Variants in ZBTB44 observed in about 807,000 individuals in gnomAD.
The protein encoded by ZBTB44 is zinc finger and BTB domain-containing protein 44.
In ZBTB44, 15 loss-of-function variants were observed where a neutral mutation model predicts 54.0. The ratio of observed to expected loss-of-function variants is 0.28; its 90% CI spans 0.19 to 0.43. ZBTB44 has a LOEUF of 0.43. Ranked by LOEUF, ZBTB44 falls within the 20% of genes least tolerant of loss-of-function variation. ZBTB44 has a pLI of 1.00. For missense variants in ZBTB44, 487 were observed against 707.1 expected (o/e 0.69, Z 3.53); for synonymous variants, 230 against 250.1 (o/e 0.92, Z 0.76).
At chr11:130,275,193 G>A (rs1302306802) in intron 1 of ZBTB44, among the ~76,000 whole-genome samples, 2 of 151,974 alleles carry the variant, frequency 1.3e-5, no homozygotes, top group East Asian at 3.8e-4. Flanking sequence ...AAGGTGGAGG[G>A]GCGAGGTCAT....
intron 1 of ZBTB44, among the ~76,000 whole-genome samples, chr11:130,297,801 T>A (rs1045236127): frequency 6.6e-6 from 1 of 152,228 alleles, no homozygotes; most frequent in Admixed American, 6.5e-5. Context: ...AGCCACCTAC[T>A]TCGTCATAGT....
intron 1 of ZBTB44, among the ~76,000 whole-genome samples, chr11:130,308,585 T>C (rs1357939502): frequency 6.6e-6 from 1 of 152,236 alleles, no homozygotes; most frequent in Admixed American, 6.5e-5. Context: ...TTAGCACAGC[T>C]GGCATACAGA....
Position 130,238,435 on chromosome 11 carries a change from T to C in ZBTB44, c.1267+9A>G, listed in dbSNP as rs757856915. The C allele has an allele frequency of 6.2e-6, 10 of 1,600,980 alleles. No homozygotes were observed. In the South Asian group the frequency reaches 1.0e-4, roughly 16 times the overall value. Reference sequence around the variant, plus strand: ...TTCACTTACGCACCAACAGGGAAGGTGACATTACCTGAGTGGATGAGCATG... The same window carrying C: ...TTCACTTACGCACCAACAGGGAAGGCGACATTACCTGAGTGGATGAGCATG... On this transcript the variant is annotated intron_variant, in intron 4 of 7. Coordinates refer to ENST00000357899, the MANE Select transcript of ZBTB44 (RefSeq NM_001301098.2).
At chr11:130,293,032 G>A (rs1204525308) in intron 1 of ZBTB44, among the ~76,000 whole-genome samples, 1 of 152,062 alleles carries the variant, frequency 6.6e-6, no homozygotes, top group African/African-American at 2.4e-5. Context: ...ACTCATATTT[G>A]GGAACATGCT....
chr11:130,270,760 T>C (rs145766383), intron 1 of ZBTB44, among the ~76,000 whole-genome samples: 66 of 152,334 alleles, frequency 4.3e-4, no homozygotes, highest in Non-Finnish European at 8.5e-4. Flanking sequence ...AACTTTGTTT[T>C]CACCAAACAA....
Position 130,295,428 on chromosome 11 carries a change from AC to A in ZBTB44, c.-57+18946del, listed in dbSNP as rs573742544. Among the ~76,000 whole-genome samples, 33 of 152,304 alleles carry A rather than the reference AC, an allele frequency of 2.2e-4. No individual in the cohort carries two copies. The East Asian group carries it at 6.2e-3, about 29-fold the overall frequency. On this transcript the variant is annotated intron_variant, in intron 1 of 7. Transcript: ENST00000357899. ...AATGGTGAATGATGCTGGGACTGAT[AC>A]AAAAAAAGCAAAAACTGAAAACAAA...
chr11:130,293,335 G>A (rs1386867424), intron 1 of ZBTB44, among the ~76,000 whole-genome samples: 1 of 148,966 alleles, frequency 6.7e-6, no homozygotes, highest in East Asian at 2.0e-4. Context: ...TTAGCTAAGT[G>A]TGGTGCTGTG....
At chr11:130,236,756 G>A (rs752061429) in intron 5 of ZBTB44, 37 bp downstream of exon 5, 3 of 1,325,896 alleles carry the variant, frequency 2.3e-6, no homozygotes, top group Non-Finnish European at 2.9e-6. Flanking sequence ...AGTTTAGAAA[G>A]CAGTTTTCCT....
At chr11:130,292,102 G>T (rs1941333425) in intron 1 of ZBTB44, among the ~76,000 whole-genome samples, 3 of 152,058 alleles carry the variant, frequency 2.0e-5, no homozygotes, top group Admixed American at 2.0e-4. Flanking sequence ...AAGGATTTTT[G>T]TTCTTTTTAT....
rs1953842621 is a variant in ZBTB44 at position 130,230,570 on chromosome 11, A to G, written c.*1194T>C. ...TTTTAGTATATTTTGTCTTACTGAA[A>G]TTGATAAAAAAAAAAAACTGGCAAT... is the stretch of plus-strand genomic sequence containing the variant. On this transcript the variant is annotated 3_prime_UTR_variant, in exon 8 of 8. Transcript: ENST00000357899. 6.7e-6 allele frequency: 1 copy of G among 150,030 alleles called. No individual in the cohort carries two copies. Among genetic ancestry groups the G allele is most frequent in the Admixed American group, 6.6e-5 (1 of 15,192 alleles). The allele number at this position is 150,030 out of a possible 1,614,324, so 9.3% of individuals were successfully genotyped here.
rs760080265 is a variant in ZBTB44, at chr11:130,261,631, G to A, written c.243C>T (p.Gly81=). 3.1e-6 allele frequency: 5 copies of A among 1,613,898 alleles called. No individual in the cohort carries two copies. Among genetic ancestry groups the A allele is most frequent in the Non-Finnish European group, 4.2e-6 (5 of 1,179,890 alleles). Residue 81 remains glycine, a synonymous_variant, in exon 2 of 8, where the codon GGC becomes GGT. Coordinates refer to ENST00000357899, the MANE Select transcript of ZBTB44 (RefSeq NM_001301098.2). The surrounding 1 kb of genome is among the most constrained non-coding windows in gnomAD (Gnocchi z 4.8). The part of the protein sequence containing the change: ...VLDLHHVTVT[G]FIPLLEYAYT... ...AAGCATATTCTAAAAGAGGTATAAA[G>A]CCAGTCACTGTAACATGATGCAGAT...
At position 130,236,841 on chromosome 11, in the gene ZBTB44, C is replaced by T; in HGVS notation, c.1520G>A (p.Arg507Lys). The T allele has an allele frequency of 6.8e-7, 1 of 1,466,282 alleles. No individual in the cohort carries two copies. The highest frequency in any genetic ancestry group is 9.0e-7 in the Non-Finnish European group (1 of 1,110,518). The allele number at this position is 1,466,282 out of a possible 1,614,324, so 90.8% of individuals were successfully genotyped here. Residue 507 changes from arginine to lysine, a missense_variant, in exon 5 of 8, where the codon AGG becomes AAG. By Grantham distance (26) the Arg-to-Lys change is conservative. Transcript: ENST00000357899. ...CTCTGATGCTTCATGGTTCAGACTCCTCAGGTGCACGATTAAATTTCCAGA... is the reference window on the plus strand; with the variant it reads ...CTCTGATGCTTCATGGTTCAGACTCTTCAGGTGCACGATTAAATTTCCAGA... ...TNSGNLIVHL[R>K]SLNHEASELA...
At chr11:130,268,228 A>AAAAAAAAG (rs1211897601) in intron 1 of ZBTB44, among the ~76,000 whole-genome samples, 2 of 151,820 alleles carry the variant, frequency 1.3e-5, no homozygotes, top group African/African-American at 4.8e-5. Flanking sequence ...AATTTAAAAA[A>AAAAAAAAG]AAAAAAAAGC....
intron 2 of ZBTB44, among the ~76,000 whole-genome samples, chr11:130,254,219 G>C (rs1297518925): frequency 6.6e-6 from 1 of 152,092 alleles, no homozygotes; most frequent in Non-Finnish European, 1.5e-5. Context: ...TTGACAAATG[G>C]GATCTAATTA....
chr11:130,231,174 A>G lies in ZBTB44; in HGVS notation c.*590T>C, dbSNP rs1226940987. 2.0e-5 allele frequency: 3 copies of G among 152,124 alleles called. No homozygotes were observed. The highest frequency in any genetic ancestry group is 6.5e-5 in the Admixed American group (1 of 15,272). 9.4% of individuals were successfully genotyped at this position (152,124 alleles called of 1,614,324 possible). ...AAAATTATGCATCTAGGCATCCCTA[A>G]GATGAATTTGAAATAAACCTAAATA... is the stretch of plus-strand genomic sequence containing the variant. On this transcript the variant is annotated 3_prime_UTR_variant, in exon 8 of 8. Transcript: ENST00000357899.
rs372650625 is a variant in ZBTB44, at chr11:130,261,331, C to T, written c.543G>A (p.Arg181=). ...TAACAATGTAGCTTTTGCGCTTTCT[C>T]CGGGATTCTCGGCAGACAGGAATGG... ...ERTIPVCRES[R]RKRKSYIVMS... The change falls in exon 2 of 8, where the codon CGG becomes CGA. Residue 181 remains arginine (R), a synonymous_variant. Transcript: ENST00000357899. This position sits in a 1 kb window ranked among gnomAD's most constrained non-coding sequence, Gnocchi z 4.8. The T allele has an allele frequency of 1.2e-5, 19 of 1,613,818 alleles. No individual in the cohort carries two copies. The highest frequency in any genetic ancestry group is 1.5e-5 in the Non-Finnish European group (18 of 1,179,902).
At chr11:130,254,570 AAAC>A (rs1938287354) in intron 2 of ZBTB44, among the ~76,000 whole-genome samples, 1 of 152,188 alleles carries the variant, frequency 6.6e-6, no homozygotes, top group Non-Finnish European at 1.5e-5. Flanking sequence ...AAAAGTCAGG[AAAC>A]AACAGGTGCT....
intron 1 of ZBTB44, among the ~76,000 whole-genome samples, chr11:130,282,007 T>C (rs2134278423): frequency 6.6e-6 from 1 of 152,268 alleles, no homozygotes; most frequent in Admixed American, 6.5e-5. Context: ...GCTATGATCA[T>C]GCCACCACAC....
At chr11:130,254,870 T>C (rs1201255659) in intron 2 of ZBTB44, among the ~76,000 whole-genome samples, 1 of 152,070 alleles carries the variant, frequency 6.6e-6, no homozygotes, top group African/African-American at 2.4e-5. Context: ...GTGGCACATA[T>C]ACACCATGGA....
Sources: gnomAD v4.1 joint callset for allele counts (sites outside exome capture counted in the v4.1 genomes callset) on GRCh38, gnomAD v4.1.1 for gene constraint, Gnocchi (gnomAD v3.1) non-coding constraint, MANE v1.5 for transcripts, NCBI Gene and HGNC (gene_info 2026-07-23, HGNC 2026-07-21) for gene names.